SDR42E2: variants seen among roughly 807,000 people sequenced by gnomAD.
The protein encoded by SDR42E2 is short chain dehydrogenase/reductase family 42E, member 2.
SDR42E2 carries 20 observed loss-of-function variants against 10.5 expected under a neutral mutation model. That is an observed-to-expected ratio of 1.90 (90% CI 1.34 to 2.77). SDR42E2 has a LOEUF of 2.77. SDR42E2 is among the 30% of genes most tolerant of loss of function. SDR42E2 has a pLI of 0.00. For missense variants in SDR42E2, 162 were observed against 104.2 expected, an observed-to-expected ratio of 1.55 and a Z score of -2.42; for synonymous variants, 72 against 39.2, an observed-to-expected ratio of 1.84 and a Z score of -3.12.
intron 4 of SDR42E2, among the ~76,000 whole-genome samples, chr16:22,168,605 G>A (rs116215582): frequency 5.8e-4 from 88 of 152,054 alleles, no homozygotes; most frequent in African/African-American, 2.0e-3. Context: ...GGAAGCAGTG[G>A]CTCATGCCTG....
chr16:22,188,460 C>A (rs1363526785), intron 12 of SDR42E2, among the ~76,000 whole-genome samples: 1 of 151,986 alleles, frequency 6.6e-6, no homozygotes, highest in Admixed American at 6.6e-5. Flanking sequence ...GAGTTGTAGA[C>A]AACATTGTCC....
chr16:22,177,232 A>T (rs1409090784), intron 7 of SDR42E2, among the ~76,000 whole-genome samples: 1 of 152,152 alleles, frequency 6.6e-6, no homozygotes, highest in African/African-American at 2.4e-5. Flanking sequence ...AGGAACATAG[A>T]AGGACCTCTC....
chr16:22,174,153 A>C (rs1383629522), intron 7 of SDR42E2, among the ~76,000 whole-genome samples: 1 of 151,668 alleles, frequency 6.6e-6, no homozygotes, highest in Non-Finnish European at 1.5e-5. Context: ...CAATATGGTG[A>C]AACCCCGTCT....
At chr16:22,169,229 G>A (rs1013310444) in intron 4 of SDR42E2, among the ~76,000 whole-genome samples, 6 of 152,124 alleles carry the variant, frequency 3.9e-5, no homozygotes, top group African/African-American at 1.4e-4. Context: ...TACAAATGAG[G>A]TTGCTGAGGG....
chr16:22,190,897 T>G lies in SDR42E2; in HGVS notation c.*504T>G, dbSNP rs2046770966. 1 of 130,544 alleles carries G rather than the reference T, an allele frequency of 7.7e-6. No homozygotes were observed. Among genetic ancestry groups the G allele is most frequent in the Non-Finnish European group, 1.6e-5 (1 of 63,022 alleles). 8.1% of individuals were successfully genotyped at this position (130,544 alleles called of 1,614,324 possible). A position where few individuals can be genotyped will look rare whatever the true frequency, so the allele number is the denominator to read the frequency against. On this transcript the variant is annotated 3_prime_UTR_variant, in exon 13 of 13. Transcript: ENST00000602312. ...CTGCTTCACGGCTTGGGCACGCCTCTTCCCCGCCCCCTGACTTCAGAGCCT... is the reference window on the plus strand; with the variant it reads ...CTGCTTCACGGCTTGGGCACGCCTCGTCCCCGCCCCCTGACTTCAGAGCCT...
chr16:22,188,451 A>C (rs2046750129), intron 12 of SDR42E2, among the ~76,000 whole-genome samples: 1 of 152,186 alleles, frequency 6.6e-6, no homozygotes, highest in Non-Finnish European at 1.5e-5. Context: ...CATTTAACTG[A>C]GTTGTAGACA....
chr16:22,173,132 G>A (rs953199589), intron 7 of SDR42E2, among the ~76,000 whole-genome samples: 1 of 152,036 alleles, frequency 6.6e-6, no homozygotes, highest in African/African-American at 2.4e-5. Flanking sequence ...AATAGTAGAA[G>A]GCAAATAGTC....
intron 7 of SDR42E2, among the ~76,000 whole-genome samples, chr16:22,174,305 C>G (rs1357429337): frequency 1.3e-5 from 2 of 151,978 alleles, no homozygotes; most frequent in African/African-American, 4.8e-5. Context: ...TACACTCCAG[C>G]CTGGGAGACA....
At chr16:22,167,165 ATTTTTTTTTTTTTTTTTTTTTT>A (rs534502295) in intron 4 of SDR42E2, among the ~76,000 whole-genome samples, 166 bp downstream of exon 4, 24 of 37,722 alleles carry the variant, frequency 6.4e-4, no homozygotes, top group African/African-American at 7.6e-4. Flanking sequence ...CAGTTCTGCC[ATTTTTTTTTTTTTTTTTTTTTT>A]TTTTTTTTTT....
chr16:22,165,168 A>C (rs2046524482), intron 1 of SDR42E2, among the ~76,000 whole-genome samples: 1 of 152,020 alleles, frequency 6.6e-6, no homozygotes, highest in Non-Finnish European at 1.5e-5. Flanking sequence ...GCTCACTGCA[A>C]CCTCCGCCTT....
At chr16:22,182,667 C>A (rs1450528997) in intron 10 of SDR42E2, among the ~76,000 whole-genome samples, 1 of 152,074 alleles carries the variant, frequency 6.6e-6, no homozygotes, top group East Asian at 1.9e-4. Context: ...CTCTTCTTGT[C>A]CTTTTCGATT....
chr16:22,168,652 C>A (rs1380453855), intron 4 of SDR42E2, among the ~76,000 whole-genome samples: 1 of 152,078 alleles, frequency 6.6e-6, no homozygotes, highest in African/African-American at 2.4e-5. Context: ...GCAGGTGGAT[C>A]ACCTGAGGTC....
At chr16:22,179,626 G>T (rs1468903428) in intron 8 of SDR42E2, among the ~76,000 whole-genome samples, 2 of 151,818 alleles carry the variant, frequency 1.3e-5, no homozygotes, top group Admixed American at 6.6e-5. Context: ...AGCCTGGCCA[G>T]CATGGTGAAA....
At chr16:22,167,474 C>T (rs1260223400) in intron 4 of SDR42E2, among the ~76,000 whole-genome samples, 3 of 152,012 alleles carry the variant, frequency 2.0e-5, no homozygotes, top group Admixed American at 1.3e-4. Flanking sequence ...CAGGAGCCAC[C>T]GCACCCGGCC....
At chr16:22,190,105 G>A (rs2046761272) in intron 12 of SDR42E2, 34 bp from the exon 13 acceptor site, 2 of 400,950 alleles carry the variant, frequency 5.0e-6, no homozygotes, top group Admixed American at 4.4e-5. Context: ...CCTCCCACGA[G>A]GCCCGCCCTC....
At chr16:22,175,810 T>C (rs900364361) in intron 7 of SDR42E2, among the ~76,000 whole-genome samples, 3 of 152,006 alleles carry the variant, frequency 2.0e-5, no homozygotes, top group Non-Finnish European at 4.4e-5. Flanking sequence ...CTGGCCAACA[T>C]AGCGAAGCCC....
At chr16:22,188,630 G>C (rs2046751110) in intron 12 of SDR42E2, among the ~76,000 whole-genome samples, 1 of 152,174 alleles carries the variant, frequency 6.6e-6, no homozygotes, top group Admixed American at 6.6e-5. Context: ...ACATAAAATA[G>C]CTGCCAGGGT....
At chr16:22,181,317 G>T (rs917188954) in intron 8 of SDR42E2, among the ~76,000 whole-genome samples, 1 of 152,146 alleles carries the variant, frequency 6.6e-6, no homozygotes, top group African/African-American at 2.4e-5. Context: ...TGGGAGAGAC[G>T]ATCAGATGCT....
Position 22,165,547 on chromosome 16 carries a change from G to A in SDR42E2, c.-36G>A, listed in dbSNP as rs541316663. On this transcript the variant is annotated splice_region_variant and 5_prime_UTR_variant, in exon 2 of 13. It adds an upstream start codon to the 5' untranslated region. Transcript: ENST00000602312. ...CTTTCTTCTATTTTTTTTCCCACAG[G>A]TGGTCGGTTTCTGGGTCTGCATGGC... The A allele has an allele frequency of 9.0e-5, 36 of 401,068 alleles. 1 individual carries two copies. Among genetic ancestry groups the A allele is most frequent in the South Asian group, 2.5e-4 (2 of 7,946 alleles). 24.8% of individuals were successfully genotyped at this position (401,068 alleles called of 1,614,324 possible).
Sources: allele counts gnomAD v4.1 joint callset (sites outside exome capture counted in the v4.1 genomes callset), GRCh38; gene constraint gnomAD v4.1.1; transcripts MANE v1.5; gene names NCBI Gene and HGNC (gene_info 2026-07-23, HGNC 2026-07-21).